ST6GALNAC3: variants seen among roughly 807,000 people sequenced by gnomAD.
ST6GALNAC3 encodes the protein ST6 N-acetylgalactosaminide alpha-2,6-sialyltransferase 3.
ST6GALNAC3 carries 25 observed loss-of-function variants against 32.7 expected under a neutral mutation model. That is an observed-to-expected ratio of 0.76 (90% CI 0.56 to 1.07). The LOEUF is 1.07. Ranked by LOEUF, ST6GALNAC3 falls within the 50% of genes least tolerant of loss-of-function variation. ST6GALNAC3 has a pLI of 0.00. For synonymous variants in ST6GALNAC3, 129 were observed against 133.1 expected (o/e 0.97, Z 0.21); for missense variants, 355 against 382.4 (o/e 0.93, Z 0.60).
chr1:76,304,139 T>G (rs566141941), intron 1 of ST6GALNAC3, among the ~76,000 whole-genome samples: 36 of 152,226 alleles, frequency 2.4e-4, no homozygotes, highest in African/African-American at 8.2e-4. Context: ...AAAAATCATT[T>G]AATCCCTCTG....
intron 1 of ST6GALNAC3, among the ~76,000 whole-genome samples, chr1:76,291,596 G>T (rs1007777304): frequency 3.3e-5 from 5 of 152,174 alleles, no homozygotes; most frequent in African/African-American, 1.2e-4. Flanking sequence ...GAGTTCTAAC[G>T]AACCGAAACA....
At chr1:76,368,875 C>G (rs1395721281) in intron 2 of ST6GALNAC3, among the ~76,000 whole-genome samples, 5 of 152,026 alleles carry the variant, frequency 3.3e-5, no homozygotes, top group Admixed American at 3.3e-4. Context: ...GTGGAGAATG[C>G]CATTTGGGCA....
intron 1 of ST6GALNAC3, among the ~76,000 whole-genome samples, chr1:76,186,610 A>G (rs1653573256): frequency 6.6e-6 from 1 of 152,178 alleles, no homozygotes; most frequent in Non-Finnish European, 1.5e-5. Flanking sequence ...TTATCTCCAT[A>G]CAAACCTGCC....
At chr1:76,437,725 GCA>G (rs1298382177) in intron 3 of ST6GALNAC3, among the ~76,000 whole-genome samples, 1 of 150,916 alleles carries the variant, frequency 6.6e-6, no homozygotes, top group African/African-American at 2.4e-5. Context: ...CTACAGGCAC[GCA>G]CCACTACGCC....
At chr1:76,269,321 G>A (rs1658709228) in intron 1 of ST6GALNAC3, among the ~76,000 whole-genome samples, 1 of 152,192 alleles carries the variant, frequency 6.6e-6, no homozygotes, top group African/African-American at 2.4e-5. Flanking sequence ...TTACCAACAT[G>A]GGTGTTTCCT....
intron 1 of ST6GALNAC3, among the ~76,000 whole-genome samples, chr1:76,281,263 T>C (rs1659485149): frequency 6.6e-6 from 1 of 152,212 alleles, no homozygotes; most frequent in South Asian, 2.1e-4. Context: ...TTTTCTCTCT[T>C]AGAAGGCCTG....
intron 3 of ST6GALNAC3, among the ~76,000 whole-genome samples, chr1:76,555,054 T>C (rs150862816): frequency 2.3e-3 from 348 of 152,286 alleles, no homozygotes; most frequent in Middle Eastern, 0.017. Flanking sequence ...ACCAGTTGAT[T>C]ATTGCCATTT....
At chr1:76,132,617 C>G (rs1305131865) in intron 1 of ST6GALNAC3, among the ~76,000 whole-genome samples, 1 of 152,162 alleles carries the variant, frequency 6.6e-6, no homozygotes, top group Non-Finnish European at 1.5e-5. Context: ...CTTTTGGGCC[C>G]TTGGAGGACC....
In ST6GALNAC3 at chr1:76,350,674, G is replaced by C. The variant is rs114398026; in HGVS notation, c.213+36675G>C. Among the ~76,000 whole-genome samples, 467 of 152,208 alleles carry C rather than the reference G, an allele frequency of 3.1e-3. 3 individuals are homozygous for C. Among genetic ancestry groups the C allele is most frequent in the African/African-American group, 0.01 (429 of 41,558 alleles). On this transcript the variant is annotated intron_variant, in intron 2 of 4. Transcript: ENST00000328299. ...TTTTCTGGCTTCATAGATAAGCCTT[G>C]TGTTATATCAACTCTGTGACATAGA...
chr1:76,461,723 A>G (rs1386358810), intron 3 of ST6GALNAC3, among the ~76,000 whole-genome samples: 4 of 152,200 alleles, frequency 2.6e-5, no homozygotes, highest in Non-Finnish European at 5.9e-5. Flanking sequence ...TAAGTGTTGT[A>G]GTGGCAGTGA....
At chr1:76,088,494 A>G (rs1204629785) in intron 1 of ST6GALNAC3, among the ~76,000 whole-genome samples, 1 of 152,226 alleles carries the variant, frequency 6.6e-6, no homozygotes, top group East Asian at 1.9e-4. Context: ...CTTAGGTCAA[A>G]TCAGACATGG....
At chr1:76,134,640 C>T (rs1649823173) in intron 1 of ST6GALNAC3, among the ~76,000 whole-genome samples, 1 of 152,118 alleles carries the variant, frequency 6.6e-6, no homozygotes, top group Non-Finnish European at 1.5e-5. Flanking sequence ...TAGAGGTGGC[C>T]ACTGCTTGTT....
At position 76,076,748 on chromosome 1, in the gene ST6GALNAC3, TTCTTTAA is replaced by T. The variant is rs1276391849; in HGVS notation, c.18+1871_18+1877del. ...TTTATAAAATACAAAATGTTTTTTA[TTCTTTAA>T]TCTTTACATAAAACCCTGAAAGATA... On this transcript the variant is annotated intron_variant, in intron 1 of 4. Transcript: ENST00000328299. Among the ~76,000 whole-genome samples the T allele has an allele frequency of 2.6e-5, 4 of 152,226 alleles. No individual in the cohort carries two copies. The East Asian group carries it at 7.7e-4, about 29-fold the overall frequency.
intron 1 of ST6GALNAC3, among the ~76,000 whole-genome samples, chr1:76,311,902 G>A (rs1035147151): frequency 3.9e-5 from 6 of 152,164 alleles, no homozygotes; most frequent in East Asian, 3.9e-4. Flanking sequence ...CACCAACAGT[G>A]TAAAAGCGTT....
intron 1 of ST6GALNAC3, among the ~76,000 whole-genome samples, chr1:76,193,319 A>G (rs1438574381): frequency 1.3e-5 from 2 of 152,086 alleles, no homozygotes; most frequent in Non-Finnish European, 2.9e-5. Context: ...TTGTCAAAAG[A>G]TTGTATATAT....
chr1:76,170,886 A>T (rs570499695), intron 1 of ST6GALNAC3, among the ~76,000 whole-genome samples: 2 of 152,298 alleles, frequency 1.3e-5, no homozygotes, highest in Middle Eastern at 6.8e-3. Context: ...AGTGAATAAT[A>T]TGAGTTTTTA....
chr1:76,390,585 C>T lies in ST6GALNAC3; in HGVS notation c.214-21423C>T, dbSNP rs527310273. On this transcript the variant is annotated intron_variant, in intron 2 of 4. Coordinates refer to ENST00000328299, the MANE Select transcript of ST6GALNAC3 (RefSeq NM_152996.4). ...GTTTGCTCCCAAGGGCTTTTGGCTCCAAAGACTAAGTGTTACTTGGTGGCT... is the reference window on the plus strand; with the variant it reads ...GTTTGCTCCCAAGGGCTTTTGGCTCTAAAGACTAAGTGTTACTTGGTGGCT... Among the ~76,000 whole-genome samples, 5 of 152,230 alleles carry T rather than the reference C, an allele frequency of 3.3e-5. No homozygotes were observed. In the East Asian group the frequency reaches 9.7e-4, roughly 29 times the overall value.
At chr1:76,152,959 TATTGG>T (rs1378714225) in intron 1 of ST6GALNAC3, among the ~76,000 whole-genome samples, 1 of 152,220 alleles carries the variant, frequency 6.6e-6, no homozygotes, top group Non-Finnish European at 1.5e-5. Flanking sequence ...GGGATATTCC[TATTGG>T]AAAATGTTGT....
At chr1:76,468,046 G>A (rs1658761022) in intron 3 of ST6GALNAC3, among the ~76,000 whole-genome samples, 2 of 148,768 alleles carry the variant, frequency 1.3e-5, no homozygotes. Flanking sequence ...TTTTTTTTTT[G>A]CTAAAATTAG....
Sources: allele counts gnomAD v4.1 joint callset (sites outside exome capture counted in the v4.1 genomes callset), GRCh38; gene constraint gnomAD v4.1.1; transcripts MANE v1.5; gene names NCBI Gene and HGNC (gene_info 2026-07-23, HGNC 2026-07-21).